LDHA: variants seen among roughly 807,000 people sequenced by gnomAD.
LDHA encodes the protein L-lactate dehydrogenase A chain.
In LDHA, 10 loss-of-function variants were observed where a neutral mutation model predicts 36.3. The observed-to-expected ratio is 0.28, with a 90% CI of 0.17 to 0.47. LDHA has a LOEUF of 0.47. LDHA is among the 20% of genes least tolerant of loss of function. The probability of loss-of-function intolerance (pLI) is 0.99; values close to 1 mark genes in which losing one functional copy is unlikely to be tolerated. For synonymous variants in LDHA, 110 were observed against 136.7 expected, an observed-to-expected ratio of 0.80 and a Z score of 1.36; for missense variants, 267 against 405.8, an observed-to-expected ratio of 0.66 and a Z score of 2.94.
chr11:18,401,052 A>C lies in LDHA; in HGVS notation c.418+42A>C, dbSNP rs760781166. Reference sequence around the variant, plus strand: ...CATAAAAATTGACAAGCTATAGTAAAACTGATAGTATATGATATATATATT... The same window carrying C: ...CATAAAAATTGACAAGCTATAGTAACACTGATAGTATATGATATATATATT... On this transcript the variant is annotated intron_variant, in intron 4 of 7. Coordinates refer to ENST00000422447, the MANE Select transcript of LDHA (RefSeq NM_005566.4). 3.4e-6 allele frequency: 4 copies of C among 1,183,702 alleles called. No individual in the cohort carries two copies. In the South Asian group the frequency reaches 4.9e-5, roughly 14 times the overall value. The allele number at this position is 1,183,702 out of a possible 1,614,324, so 73.3% of individuals were successfully genotyped here.
chr11:18,396,375 A>G (rs1836699614), intron 1 of LDHA: 2 of 399,794 alleles, frequency 5.0e-6, no homozygotes, highest in Admixed American at 4.4e-5. Context: ...CGCGCGGATC[A>G]CCGCAGGCTC....
At chr11:18,403,577 G>C in intron 5 of LDHA, 117 bp from the exon 6 acceptor site, 3 of 779,664 alleles carry the variant, frequency 3.8e-6, no homozygotes, top group South Asian at 2.7e-5. Flanking sequence ...TAGTAGTCTT[G>C]ACCATCTACC....
chr11:18,405,108 A>G (rs1295168205), intron 6 of LDHA, among the ~76,000 whole-genome samples: 2 of 152,150 alleles, frequency 1.3e-5, no homozygotes, highest in African/African-American at 4.8e-5. Context: ...TTTAAAATTC[A>G]ATATTATATT....
chr11:18,396,005 A>C (rs1246317621), intron 1 of LDHA, among the ~76,000 whole-genome samples: 3 of 152,266 alleles, frequency 2.0e-5, no homozygotes, highest in Admixed American at 6.5e-5. Context: ...GGAGGCTGCC[A>C]GCTAGGCTTC....
chr11:18,398,023 T>C (rs1328294449), intron 2 of LDHA, among the ~76,000 whole-genome samples: 2 of 152,132 alleles, frequency 1.3e-5, no homozygotes, highest in Non-Finnish European at 2.9e-5. Context: ...GATGAGAAAT[T>C]GATGCTGTTT....
At chr11:18,405,611 T>TTGC (rs1363371252) in intron 7 of LDHA, 39 bp downstream of exon 7, 1 of 1,607,930 alleles carries the variant, frequency 6.2e-7, no homozygotes, top group African/African-American at 1.3e-5. Context: ...TGAATGCTTT[T>TTGC]TGCTGGCTTT....
In LDHA at chr11:18,408,213, G is replaced by A; in HGVS notation, c.*932G>A. Reference sequence around the variant, plus strand: ...GGTAACAATTAAAAACAATCTTAAGGCAGGGTGCAGTGGCTCATGCCTATA... The same window carrying A: ...GGTAACAATTAAAAACAATCTTAAGACAGGGTGCAGTGGCTCATGCCTATA... On this transcript the variant is annotated 3_prime_UTR_variant, in exon 8 of 8. Coordinates refer to ENST00000422447, the MANE Select transcript of LDHA (RefSeq NM_005566.4). 1 of 453,988 alleles carries A rather than the reference G, an allele frequency of 2.2e-6. No homozygotes were observed. Among genetic ancestry groups the A allele is most frequent in the Non-Finnish European group, 4.4e-6 (1 of 226,786 alleles). 28.1% of individuals were successfully genotyped at this position (453,988 alleles called of 1,614,324 possible). A position where few individuals can be genotyped will look rare whatever the true frequency, so the allele number is the denominator to read the frequency against.
intron 4 of LDHA, 163 bp from the exon 5 acceptor site, chr11:18,402,677 C>A: frequency 1.5e-6 from 1 of 653,084 alleles, no homozygotes. Context: ...TATTGGTTAG[C>A]CATGATCAAT....
chr11:18,404,819 A>G (rs572832929), intron 6 of LDHA, among the ~76,000 whole-genome samples: 30 of 151,978 alleles, frequency 2.0e-4, no homozygotes, highest in African/African-American at 7.2e-4. Flanking sequence ...AAAAAAAAAG[A>G]ATCATAATCT....
intron 3 of LDHA, 50 bp from the exon 4 acceptor site, chr11:18,400,787 A>C: frequency 2.7e-6 from 4 of 1,477,192 alleles, no homozygotes; most frequent in Non-Finnish European, 3.8e-6. Flanking sequence ...CTGCCTAGGT[A>C]AAATTTATTC....
chr11:18,396,758 AT>A (rs1334659617), intron 1 of LDHA, 60 bp from the exon 2 acceptor site: 27 of 1,476,404 alleles, frequency 1.8e-5, no homozygotes, highest in Admixed American at 1.1e-4. Flanking sequence ...GCTTAAAAAA[AT>A]CTCTTGGTTA....
At position 18,407,595 on chromosome 11, in the gene LDHA, G is replaced by A; in HGVS notation, c.*314G>A. On this transcript the variant is annotated 3_prime_UTR_variant, in exon 8 of 8. Coordinates refer to ENST00000422447, the MANE Select transcript of LDHA (RefSeq NM_005566.4). ...CTTGAGCCAGGTGGATGTTTACCGT[G>A]TGTTATATAACTTCCTGGCTCCTTC... 1 of 669,744 alleles carries A rather than the reference G, an allele frequency of 1.5e-6. No homozygotes were observed. Among genetic ancestry groups the A allele is most frequent in the Admixed American group, 2.0e-5 (1 of 48,916 alleles). 41.5% of individuals were successfully genotyped at this position (669,744 alleles called of 1,614,324 possible). A position where few individuals can be genotyped will look rare whatever the true frequency, so the allele number is the denominator to read the frequency against.
chr11:18,404,933 A>AAGG (rs1395509455), intron 6 of LDHA, among the ~76,000 whole-genome samples: 1 of 152,222 alleles, frequency 6.6e-6, no homozygotes, highest in Non-Finnish European at 1.5e-5. Flanking sequence ...CAAGAAAGAA[A>AAGG]CACAATATCT....
rs1349367665 is a variant in LDHA at position 18,407,986 on chromosome 11, G to C, written c.*705G>C. On this transcript the variant is annotated 3_prime_UTR_variant, in exon 8 of 8. Transcript: ENST00000422447. ...AGGGATATTATTGACTAATAGCAGAGGATGTAATAGTCAACTGAGTTGTAT... is the reference window on the plus strand; with the variant it reads ...AGGGATATTATTGACTAATAGCAGACGATGTAATAGTCAACTGAGTTGTAT... The C allele has an allele frequency of 4.4e-6, 2 of 454,072 alleles. No individual in the cohort carries two copies. Among genetic ancestry groups the C allele is most frequent in the East Asian group, 1.4e-4 (2 of 14,406 alleles). The allele number at this position is 454,072 out of a possible 1,614,324, so 28.1% of individuals were successfully genotyped here. A position where few individuals can be genotyped will look rare whatever the true frequency, so the allele number is the denominator to read the frequency against.
chr11:18,401,955 C>CTCTTTTTTTT (rs59534512), intron 4 of LDHA, among the ~76,000 whole-genome samples: 3 of 52,258 alleles, frequency 5.7e-5, no homozygotes, highest in Non-Finnish European at 7.5e-5. Flanking sequence ...TTGTTATTCT[C>CTCTTTTTTTT]TTTTTTTTTT....
intron 1 of LDHA, among the ~76,000 whole-genome samples, chr11:18,395,950 T>C (rs1866278405): frequency 6.6e-6 from 1 of 152,226 alleles, no homozygotes; most frequent in South Asian, 2.1e-4. Context: ...CCCTGGTTTC[T>C]AGTATTGCGA....
Position 18,408,323 on chromosome 11 carries a change from A to G in LDHA, c.*1042A>G. On this transcript the variant is annotated 3_prime_UTR_variant, in exon 8 of 8. Transcript: ENST00000422447. ...AGCCTGGCCAACACAACAAAACCCC[A>G]TCTGTTAAAAAAACAAAACAAAACC... is the stretch of plus-strand genomic sequence containing the variant. The G allele has an allele frequency of 1.6e-5, 6 of 382,542 alleles. No individual in the cohort carries two copies. Among genetic ancestry groups the G allele is most frequent in the South Asian group, 1.1e-4 (6 of 53,048 alleles). 23.7% of individuals were successfully genotyped at this position (382,542 alleles called of 1,614,324 possible).
chr11:18,405,346 G>T (rs1442469897), intron 6 of LDHA, 103 bp from the exon 7 acceptor site: 1 of 1,140,876 alleles, frequency 8.8e-7, no homozygotes, highest in Non-Finnish European at 1.3e-6. Context: ...ATGCAACATT[G>T]TGGCATTATT....
chr11:18,405,582 T>A lies in LDHA; in HGVS notation c.834+10T>A. ...TTCCACCATGATTAAGGTAGGTCTA[T>A]GTAGTGATACGCTGCATTTGAATGC... On this transcript the variant is annotated intron_variant, in intron 7 of 7. Coordinates refer to ENST00000422447, the MANE Select transcript of LDHA (RefSeq NM_005566.4). 6.2e-7 allele frequency: 1 copy of A among 1,613,594 alleles called. No individual in the cohort carries two copies. Among genetic ancestry groups the A allele is most frequent in the South Asian group, 1.1e-5 (1 of 91,044 alleles).
Sources: allele counts gnomAD v4.1 joint callset (sites outside exome capture counted in the v4.1 genomes callset), GRCh38; gene constraint gnomAD v4.1.1; transcripts MANE v1.5; gene names NCBI Gene and HGNC (gene_info 2026-07-23, HGNC 2026-07-21).